ZSWIM5: variants seen among roughly 807,000 people sequenced by gnomAD.
ZSWIM5 encodes zinc finger SWIM-type containing 5.
A neutral mutation model predicts 119.6 loss-of-function variants in ZSWIM5; 55 were observed. That is an observed-to-expected ratio of 0.46 (90% CI 0.37 to 0.58). The LOEUF is 0.58. Among genes scored for constraint, ZSWIM5 ranks in the 20% least tolerant of loss-of-function variants. ZSWIM5 has a pLI of 0.00. For missense variants in ZSWIM5, 1,193 were observed against 1,512.8 expected (o/e 0.79, Z 3.51); for synonymous variants, 537 against 606.9 (o/e 0.88, Z 1.69).
chr1:45,163,093 T>C (rs1473462352), intron 1 of ZSWIM5, among the ~76,000 whole-genome samples: 1 of 152,108 alleles, frequency 6.6e-6, no homozygotes, highest in Non-Finnish European at 1.5e-5. Context: ...TGACACCTCA[T>C]ATGGCCAGAT....
chr1:45,180,590 A>G (rs990573477), intron 1 of ZSWIM5, among the ~76,000 whole-genome samples: 1 of 152,176 alleles, frequency 6.6e-6, no homozygotes, highest in Non-Finnish European at 1.5e-5. Flanking sequence ...TGGTTCTCCC[A>G]GCACGCAGCT....
At position 45,060,306 on chromosome 1, in the gene ZSWIM5, T is replaced by C. The variant is rs552286173; in HGVS notation, c.953-59A>G. 3 of 1,570,816 alleles carry C rather than the reference T, an allele frequency of 1.9e-6. No homozygotes were observed. The East Asian group carries it at 6.9e-5, about 36-fold the overall frequency. ...TGAGTTCACATGCTACACATTCAGC[T>C]GGAGGGGCACTTTGTGAGCATATTC... On this transcript the variant is annotated intron_variant, in intron 2 of 13. Coordinates refer to ENST00000359600, the MANE Select transcript of ZSWIM5 (RefSeq NM_020883.2).
At chr1:45,161,661 T>C (rs994528202) in intron 1 of ZSWIM5, among the ~76,000 whole-genome samples, 2 of 152,224 alleles carry the variant, frequency 1.3e-5, no homozygotes, top group African/African-American at 4.8e-5. Flanking sequence ...CTTTTCCCTA[T>C]TGTAGTTATA....
chr1:45,195,873 CTTT>C (rs889418087), intron 1 of ZSWIM5, among the ~76,000 whole-genome samples: 1 of 138,558 alleles, frequency 7.2e-6, no homozygotes. Context: ...TTTTCTTTTT[CTTT>C]TTTTTTTTTT....
At chr1:45,107,657 A>T (rs887095827) in intron 1 of ZSWIM5, among the ~76,000 whole-genome samples, 1 of 151,784 alleles carries the variant, frequency 6.6e-6, no homozygotes, top group Non-Finnish European at 1.5e-5. Context: ...AAAAAAAAAA[A>T]AAAAAAATAG....
At chr1:45,068,872 C>T (rs1312669429) in intron 2 of ZSWIM5, among the ~76,000 whole-genome samples, 1 of 123,192 alleles carries the variant, frequency 8.1e-6, no homozygotes, top group African/African-American at 3.1e-5. Flanking sequence ...GCCATTGTAG[C>T]TTGCTGCAGC....
At chr1:45,197,643 G>T (rs1646134395) in intron 1 of ZSWIM5, among the ~76,000 whole-genome samples, 1 of 152,098 alleles carries the variant, frequency 6.6e-6, no homozygotes, top group African/African-American at 2.4e-5. Context: ...ACATATGAGG[G>T]TCTTCAAAAA....
intron 2 of ZSWIM5, among the ~76,000 whole-genome samples, chr1:45,065,756 T>C (rs1645179398): frequency 6.6e-6 from 1 of 152,090 alleles, no homozygotes; most frequent in African/African-American, 2.4e-5. Context: ...GGCATCGAGG[T>C]AACAAACTAC....
In ZSWIM5 at chr1:45,023,469, TC is replaced by T. The variant is rs112968749; in HGVS notation, c.2450-2682del. 3.7e-3 allele frequency among the ~76,000 whole-genome samples: 545 copies of T among 148,172 alleles called. 2 individuals carry two copies. Among genetic ancestry groups the T allele is most frequent in the African/African-American group, 0.01 (424 of 40,716 alleles). ...AGTTTCCTCCATATCTTTTTTTTTTTCCCCTCAGAGTTTACACCCAAAACTT... is the reference window on the plus strand; with the variant it reads ...AGTTTCCTCCATATCTTTTTTTTTTTCCCTCAGAGTTTACACCCAAAACTT... On this transcript the variant is annotated intron_variant, in intron 11 of 13. Coordinates refer to ENST00000359600, the MANE Select transcript of ZSWIM5 (RefSeq NM_020883.2).
intron 1 of ZSWIM5, among the ~76,000 whole-genome samples, chr1:45,193,362 G>A (rs1003623279): frequency 1.1e-4 from 16 of 152,270 alleles, no homozygotes; most frequent in Middle Eastern, 3.4e-3. Flanking sequence ...AGTTGAAACT[G>A]TAGAAATAAA....
intron 1 of ZSWIM5, among the ~76,000 whole-genome samples, chr1:45,166,155 G>C (rs1295528531): frequency 1.3e-5 from 2 of 152,086 alleles, no homozygotes; most frequent in Admixed American, 6.6e-5. Flanking sequence ...ATGCAAAGCT[G>C]GTTCAACATA....
intron 5 of ZSWIM5, among the ~76,000 whole-genome samples, chr1:45,047,070 G>A (rs555551079): frequency 2.0e-5 from 3 of 151,474 alleles, no homozygotes; most frequent in African/African-American, 2.4e-5. Context: ...CAGATCCCTG[G>A]GCACTATGGC....
intron 6 of ZSWIM5, among the ~76,000 whole-genome samples, 167 bp downstream of exon 6, chr1:45,043,052 C>CA (rs1022573570): frequency 1.3e-5 from 2 of 152,156 alleles, no homozygotes; most frequent in African/African-American, 4.8e-5. Flanking sequence ...AGTATACATG[C>CA]AAATGGCTTA....
chr1:45,156,548 A>T (rs935467352), intron 1 of ZSWIM5, among the ~76,000 whole-genome samples: 9 of 152,034 alleles, frequency 5.9e-5, no homozygotes, highest in African/African-American at 2.2e-4. Context: ...GTCATTTCCA[A>T]GACAGGGGAC....
intron 1 of ZSWIM5, among the ~76,000 whole-genome samples, chr1:45,162,159 A>T (rs1044639590): frequency 3.3e-5 from 5 of 152,256 alleles, no homozygotes; most frequent in Admixed American, 6.5e-5. Context: ...TATGTACAAC[A>T]GATATCATAA....
In ZSWIM5 at chr1:45,106,052, G is replaced by A. The variant is rs556350340; in HGVS notation, c.596-17815C>T. ...AGGTGAGGAGCGCCTCTGCCCGGCCGCCCCGTCTGGGAGGTGAGGAGCGCC... is the reference window on the plus strand; with the variant it reads ...AGGTGAGGAGCGCCTCTGCCCGGCCACCCCGTCTGGGAGGTGAGGAGCGCC... On this transcript the variant is annotated intron_variant, in intron 1 of 13. Transcript: ENST00000359600. 5.1e-3 allele frequency among the ~76,000 whole-genome samples: 685 copies of A among 134,106 alleles called. 5 individuals carry two copies. The highest frequency in any genetic ancestry group is 0.018 in the African/African-American group (642 of 35,104). The allele number at this position is 134,106 out of a possible 152,430, so 88.0% of individuals were successfully genotyped here.
At chr1:45,100,508 C>G (rs1645433062) in intron 1 of ZSWIM5, among the ~76,000 whole-genome samples, 1 of 152,168 alleles carries the variant, frequency 6.6e-6, no homozygotes, top group Non-Finnish European at 1.5e-5. Flanking sequence ...CCATCCCCAT[C>G]AAACTACCAA....
At chr1:45,202,873 G>A (rs1319886639) in intron 1 of ZSWIM5, among the ~76,000 whole-genome samples, 2 of 151,942 alleles carry the variant, frequency 1.3e-5, no homozygotes, top group Non-Finnish European at 2.9e-5. Context: ...AATTATAGGT[G>A]TCTTATTCTT....
chr1:45,138,537 A>C (rs890616217), intron 1 of ZSWIM5, among the ~76,000 whole-genome samples: 10 of 151,920 alleles, frequency 6.6e-5, no homozygotes, highest in African/African-American at 2.4e-4. Flanking sequence ...AAGGAAGAAA[A>C]ACAAAATAGA....
Sources: allele counts gnomAD v4.1 joint callset (sites outside exome capture counted in the v4.1 genomes callset), GRCh38; gene constraint gnomAD v4.1.1; transcripts MANE v1.5; gene names NCBI Gene and HGNC (gene_info 2026-07-23, HGNC 2026-07-21).